The following KANK1 variants were observed in gnomAD, a reference collection of about 807,000 sequenced individuals.
KANK1 encodes the protein KN motif and ankyrin repeat domains 1, also known as KN motif and ankyrin repeat domain-containing protein 1.
KANK1 carries 109 observed loss-of-function variants against 106.2 expected under a neutral mutation model. The ratio of observed to expected loss-of-function variants is 1.03; its 90% confidence interval spans 0.88 to 1.20. The LOEUF (loss-of-function observed/expected upper bound fraction) is 1.20. Among genes scored for constraint, KANK1 ranks in the 50% most tolerant of loss-of-function variants. The pLI, the probability that KANK1 is intolerant of heterozygous loss-of-function variation, is 0.00. For missense variants in KANK1, 2,399 were observed against 1,710.7 expected (o/e 1.40, Z -7.10); for synonymous variants, 873 against 652.2 (o/e 1.34, Z -5.16).
rs748654710 is a variant in KANK1 at position 742,189 on chromosome 9, T to C, written c.3697-16T>C. On this transcript the variant is annotated splice_polypyrimidine_tract_variant and intron_variant, in intron 9 of 11. Transcript: ENST00000382297. ...TCAGTACGTACTTCTGAAGTCCTTG[T>C]CATCTCTTCCCATAGGCGGGACAGA... 6.2e-7 allele frequency: 1 copy of C among 1,613,168 alleles called. No individual in the cohort carries two copies. The highest frequency in any genetic ancestry group is 2.2e-5 in the East Asian group (1 of 44,880).
intron 3 of KANK1, among the ~76,000 whole-genome samples, chr9:725,230 G>GT (rs1360395117): frequency 2.6e-5 from 4 of 152,120 alleles, no homozygotes; most frequent in African/African-American, 9.7e-5. Context: ...CTGGCCTTCA[G>GT]AATCCTTAGC....
upstream of KANK1, among the ~76,000 whole-genome samples, chr9:502,898 A>T (rs1217020745): frequency 6.6e-6 from 1 of 151,888 alleles, no homozygotes; most frequent in African/African-American, 2.4e-5. Context: ...GCAGTGGCTC[A>T]ATCTCTGCTC....
intron 3 of KANK1, among the ~76,000 whole-genome samples, chr9:491,393 G>A (rs140614635): frequency 0.016 from 2,366 of 151,962 alleles, 77 homozygotes; most frequent in African/African-American, 0.053. Flanking sequence ...TCAGCCTCCT[G>A]AGTAGCTGGG....
chr9:514,016 C>T (rs906369037), intron 1 of KANK1, among the ~76,000 whole-genome samples: 4 of 151,648 alleles, frequency 2.6e-5, no homozygotes, highest in Non-Finnish European at 4.4e-5. Context: ...GACTCCGTCT[C>T]GAACAAAAGT....
At chr9:551,711 A>G (rs1163160774) in intron 1 of KANK1, among the ~76,000 whole-genome samples, 6 of 152,104 alleles carry the variant, frequency 3.9e-5, no homozygotes, top group Non-Finnish European at 8.8e-5. Context: ...GACTGACGAC[A>G]TTAAAAAGAT....
rs529189365 is a variant in KANK1, at chr9:649,757, C to T, written c.-83-27133C>T. 5.6e-4 allele frequency among the ~76,000 whole-genome samples: 86 copies of T among 152,242 alleles called. 1 individual carries two copies. The highest frequency in any genetic ancestry group is 2.0e-3 in the African/African-American group (84 of 41,526). On this transcript the variant is annotated intron_variant, in intron 1 of 11. Transcript: ENST00000382297. ...CTATGTGTTAAGCTGGTACTGATCT[C>T]GTTTTTGACCATCATTCACCCATGG...
intron 1 of KANK1, among the ~76,000 whole-genome samples, chr9:531,212 G>T (rs951863848): frequency 6.6e-6 from 1 of 152,130 alleles, no homozygotes; most frequent in Admixed American, 6.5e-5. Context: ...GCCCATGCAG[G>T]AGGATCACTT....
chr9:640,699 AT>A (rs770881603), intron 1 of KANK1, among the ~76,000 whole-genome samples: 391 of 129,568 alleles, frequency 3.0e-3, no homozygotes, highest in Middle Eastern at 5.6e-3. Flanking sequence ...GCCCGGCCTA[AT>A]TTTTTTTTTT....
At chr9:694,434 T>C (rs1431180572) in intron 2 of KANK1, among the ~76,000 whole-genome samples, 1 of 152,204 alleles carries the variant, frequency 6.6e-6, no homozygotes, top group Non-Finnish European at 1.5e-5. Flanking sequence ...CATGATTGAT[T>C]TGGGCTGTAT....
At chr9:722,805 A>G (rs1829705018) in intron 3 of KANK1, among the ~76,000 whole-genome samples, 2 of 152,206 alleles carry the variant, frequency 1.3e-5, no homozygotes, top group South Asian at 2.1e-4. Context: ...ACACTTATTA[A>G]AGGCTCTCAA....
At chr9:496,084 T>C (rs2058455905) in intron 3 of KANK1, among the ~76,000 whole-genome samples, 1 of 152,186 alleles carries the variant, frequency 6.6e-6, no homozygotes, top group Non-Finnish European at 1.5e-5. Flanking sequence ...CTCTACCACT[T>C]GGCACTGTGG....
Position 601,060 on chromosome 9 carries a change from G to T in KANK1, c.-83-75830G>T, listed in dbSNP as rs556259197. Among the ~76,000 whole-genome samples, 146 of 151,878 alleles carry T rather than the reference G, an allele frequency of 9.6e-4. 5 individuals are homozygous for T. Among genetic ancestry groups the T allele is most frequent in the African/African-American group, 3.2e-3 (133 of 41,160 alleles). Reference sequence around the variant, plus strand: ...CCAAAGAAAAGAAAGCCAGATGGAAGTGAGGAGTAAGAGTAACCACAGTTG... The same window carrying T: ...CCAAAGAAAAGAAAGCCAGATGGAATTGAGGAGTAAGAGTAACCACAGTTG... On this transcript the variant is annotated intron_variant, in intron 1 of 11. Coordinates refer to ENST00000382297, the MANE Select transcript of KANK1 (RefSeq NM_015158.5).
At chr9:693,464 T>C (rs1820477794) in intron 2 of KANK1, 1 of 985,308 alleles carries the variant, frequency 1.0e-6, no homozygotes. Context: ...CAGCATTTCA[T>C]ATGCCTGAAG....
At chr9:614,881 T>C (rs1162726317) in intron 1 of KANK1, among the ~76,000 whole-genome samples, 1 of 152,192 alleles carries the variant, frequency 6.6e-6, no homozygotes, top group Non-Finnish European at 1.5e-5. Flanking sequence ...TGTATTCTGA[T>C]TGTGATTACT....
chr9:623,416 CCT>C (rs1833617409), intron 1 of KANK1, among the ~76,000 whole-genome samples: 1 of 151,808 alleles, frequency 6.6e-6, no homozygotes, highest in African/African-American at 2.4e-5. Context: ...ATGGTGAACC[CCT>C]GTCTCTACAA....
chr9:658,427 A>T (rs550030985), intron 1 of KANK1, among the ~76,000 whole-genome samples: 1 of 152,204 alleles, frequency 6.6e-6, no homozygotes, highest in South Asian at 2.1e-4. Flanking sequence ...AGTAGCTGAA[A>T]TATATGGAGC....
At chr9:718,953 CT>C (rs35097931) in intron 3 of KANK1, among the ~76,000 whole-genome samples, 1,757 of 78,214 alleles carry the variant, frequency 0.022, 11 homozygotes, top group African/African-American at 0.074. Flanking sequence ...TGCTCGAGCC[CT>C]TTTTTTTTTT....
rs551490662 is a variant in KANK1, at chr9:623,173, A to G, written c.-83-53717A>G. The stretch of plus-strand genomic sequence containing the variant: ...AAACCATATATCTGGTAAAAGGTCA[A>G]TGTCCATAATATACGAGAAACTCGT... On this transcript the variant is annotated intron_variant, in intron 1 of 11. Coordinates refer to ENST00000382297, the MANE Select transcript of KANK1 (RefSeq NM_015158.5). Among the ~76,000 whole-genome samples the G allele has an allele frequency of 2.6e-5, 4 of 152,308 alleles. No homozygotes were observed. The East Asian group carries it at 5.8e-4, about 22-fold the overall frequency.
Position 744,798 on chromosome 9 carries a change from C to G in KANK1, c.3996+209C>G. On this transcript the variant is annotated intron_variant, in intron 11 of 11. Transcript: ENST00000382297. The stretch of plus-strand genomic sequence containing the variant: ...TAGCAGAGGCTGGACCTTGCTTGTC[C>G]TTGCAAGACATATGCTCACAGCTTC... The G allele has an allele frequency of 2.8e-6, 4 of 1,450,522 alleles. No homozygotes were observed. In the South Asian group the frequency reaches 4.3e-5, roughly 16 times the overall value. 89.9% of individuals were successfully genotyped at this position (1,450,522 alleles called of 1,614,324 possible).
Sources: gnomAD v4.1 joint callset for allele counts (sites outside exome capture counted in the v4.1 genomes callset) on GRCh38, gnomAD v4.1.1 for gene constraint, MANE v1.5 for transcripts, NCBI Gene and HGNC (gene_info 2026-07-23, HGNC 2026-07-21) for gene names.